TMEM108: variants seen among roughly 807,000 people sequenced by gnomAD.
TMEM108 encodes the protein cancer/testis antigen 124.
A neutral mutation model predicts 35.1 loss-of-function variants in TMEM108; 12 were observed. The observed-to-expected ratio is 0.34, with a 90% confidence interval of 0.22 to 0.55. The LOEUF (loss-of-function observed/expected upper bound fraction) is 0.55, where lower values mean the gene tolerates loss of function less well. Among genes scored for constraint, TMEM108 ranks in the 20% least tolerant of loss-of-function variants. TMEM108 has a pLI of 0.89. For missense variants in TMEM108, 680 were observed against 753.3 expected (o/e 0.90, Z 1.14); for synonymous variants, 287 against 308.6 (o/e 0.93, Z 0.73).
At chr3:133,114,175 T>G (rs984924331) in intron 2 of TMEM108, among the ~76,000 whole-genome samples, 22 of 152,184 alleles carry the variant, frequency 1.4e-4, no homozygotes, top group Non-Finnish European at 8.8e-5. Flanking sequence ...GAGCCACTAT[T>G]AGATGAGCCA....
intron 2 of TMEM108, among the ~76,000 whole-genome samples, chr3:133,202,568 G>C (rs1036515019): frequency 2.6e-5 from 4 of 152,080 alleles, no homozygotes; most frequent in African/African-American, 9.7e-5. Context: ...CCTATTGCTT[G>C]TTTTTGTCAG....
rs546466276 is a variant in TMEM108, at chr3:133,187,487, C to T, written c.-46-41779C>T. Among the ~76,000 whole-genome samples, 11 of 152,268 alleles carry T rather than the reference C, an allele frequency of 7.2e-5. No individual in the cohort carries two copies. In the East Asian group the frequency reaches 1.2e-3, roughly 16 times the overall value. On this transcript the variant is annotated intron_variant, in intron 2 of 5. Coordinates refer to ENST00000321871, the MANE Select transcript of TMEM108 (RefSeq NM_023943.4). ...GTCTTGGGCCGGGCATGGTGGCTCA[C>T]GCCTGTAGTCCCAGCACTTTGGGAG...
At chr3:133,222,448 T>G (rs1265596605) in intron 2 of TMEM108, among the ~76,000 whole-genome samples, 2 of 152,120 alleles carry the variant, frequency 1.3e-5, no homozygotes, top group Non-Finnish European at 2.9e-5. Context: ...ATTTGAAAAC[T>G]TTTCTATTAT....
At chr3:133,159,037 G>C (rs1944922625) in intron 2 of TMEM108, among the ~76,000 whole-genome samples, 1 of 152,206 alleles carries the variant, frequency 6.6e-6, no homozygotes, top group African/African-American at 2.4e-5. Flanking sequence ...GAATCACCCA[G>C]AGAAGGACAG....
intron 2 of TMEM108, among the ~76,000 whole-genome samples, chr3:133,218,886 T>TAGCC (rs1553749386): frequency 1.3e-5 from 2 of 152,080 alleles, no homozygotes; most frequent in African/African-American, 4.8e-5. Context: ...AGGGTAAGGC[T>TAGCC]AGCCTTCTAA....
intron 2 of TMEM108, among the ~76,000 whole-genome samples, chr3:133,059,614 C>T (rs1045067680): frequency 1.3e-5 from 2 of 152,152 alleles, no homozygotes; most frequent in Non-Finnish European, 2.9e-5. Flanking sequence ...TGTGCGGCTG[C>T]GGAAGAGTTA....
intron 2 of TMEM108, among the ~76,000 whole-genome samples, chr3:133,164,314 C>G (rs73007498): frequency 0.012 from 1,824 of 152,304 alleles, 46 homozygotes; most frequent in African/African-American, 0.042. Flanking sequence ...GATAGTTCTT[C>G]AGGTAATTGA....
intron 2 of TMEM108, among the ~76,000 whole-genome samples, chr3:133,120,494 G>C (rs139281891): frequency 6.6e-6 from 1 of 152,112 alleles, no homozygotes; most frequent in Non-Finnish European, 1.5e-5. Context: ...CTGTGTGCCT[G>C]GTTCAAATCC....
chr3:133,234,728 A>G (rs1946207989), intron 3 of TMEM108, among the ~76,000 whole-genome samples: 1 of 152,132 alleles, frequency 6.6e-6, no homozygotes, highest in Non-Finnish European at 1.5e-5. Context: ...CCTATTCAAC[A>G]TAGTGTTGGA....
chr3:133,395,757 C>A, intron 5 of TMEM108, 107 bp from the exon 6 acceptor site: 1 of 1,210,554 alleles, frequency 8.3e-7, no homozygotes, highest in Non-Finnish European at 1.1e-6. Flanking sequence ...AAATGTGCAC[C>A]AAGCCATCAG....
chr3:133,225,820 A>T (rs527259309), intron 2 of TMEM108, among the ~76,000 whole-genome samples: 2 of 152,332 alleles, frequency 1.3e-5, no homozygotes, highest in South Asian at 4.1e-4. Flanking sequence ...GAAAAATATA[A>T]AACTTAATAC....
intron 3 of TMEM108, among the ~76,000 whole-genome samples, chr3:133,312,569 G>T (rs1469383101): frequency 6.6e-6 from 1 of 152,256 alleles, no homozygotes; most frequent in Middle Eastern, 3.2e-3. Context: ...TCTGCTGGTT[G>T]CTAAGACCAT....
chr3:133,047,319 G>C (rs967797100), intron 2 of TMEM108, among the ~76,000 whole-genome samples: 3 of 152,132 alleles, frequency 2.0e-5, no homozygotes, highest in African/African-American at 7.2e-5. Context: ...AGTATATCCT[G>C]TATATCCTCT....
chr3:133,085,189 C>G (rs945303004), intron 2 of TMEM108, among the ~76,000 whole-genome samples: 4 of 152,118 alleles, frequency 2.6e-5, no homozygotes, highest in African/African-American at 9.7e-5. Context: ...AAAGCATAGT[C>G]CAAAGACAAT....
chr3:133,336,881 G>T (rs1576465178), intron 3 of TMEM108, among the ~76,000 whole-genome samples: 1 of 152,108 alleles, frequency 6.6e-6, no homozygotes, highest in South Asian at 2.1e-4. Flanking sequence ...GAGCTCTTGG[G>T]CTTAAAGTAA....
intron 3 of TMEM108, among the ~76,000 whole-genome samples, chr3:133,364,039 A>G (rs776836695): frequency 3.9e-5 from 6 of 152,250 alleles, no homozygotes; most frequent in African/African-American, 1.2e-4. Flanking sequence ...TGTACCAGAC[A>G]GTGGTACAGA....
At chr3:133,323,788 A>G (rs2071295630) in intron 3 of TMEM108, among the ~76,000 whole-genome samples, 2 of 152,230 alleles carry the variant, frequency 1.3e-5, no homozygotes, top group African/African-American at 4.8e-5. Context: ...CTACCAGGCC[A>G]TAGTTACCAA....
At position 133,293,767 on chromosome 3, in the gene TMEM108, T is replaced by G. The variant is rs564093532; in HGVS notation, c.40+64416T>G. Among the ~76,000 whole-genome samples the G allele has an allele frequency of 2.5e-4, 37 of 150,924 alleles. 1 individual carries two copies. In the South Asian group the frequency reaches 7.9e-3, roughly 32 times the overall value. On this transcript the variant is annotated intron_variant, in intron 3 of 5. Coordinates refer to ENST00000321871, the MANE Select transcript of TMEM108 (RefSeq NM_023943.4). ...CATGCCTACATCTTGTGTGTGAGGG[T>G]TTTTTTTTAACATATTGAAGATTCC...
chr3:133,112,987 T>C (rs1044480624), intron 2 of TMEM108, among the ~76,000 whole-genome samples: 1 of 152,150 alleles, frequency 6.6e-6, no homozygotes, highest in African/African-American at 2.4e-5. Flanking sequence ...ACTGTTAATA[T>C]GGTTAAATGG....
Sources: allele counts gnomAD v4.1 joint callset (sites outside exome capture counted in the v4.1 genomes callset), GRCh38; gene constraint gnomAD v4.1.1; transcripts MANE v1.5; gene names NCBI Gene and HGNC (gene_info 2026-07-23, HGNC 2026-07-21).